TAFA5: variants seen among roughly 807,000 people sequenced by gnomAD.
The protein encoded by TAFA5 is TAFA chemokine like family member 5.
TAFA5 carries 6 observed loss-of-function variants against 15.3 expected under a neutral mutation model. That is an observed-to-expected ratio of 0.39 (90% CI 0.21 to 0.77). The LOEUF is 0.77. Among genes scored for constraint, TAFA5 ranks in the 30% least tolerant of loss-of-function variants. The pLI is 0.41. For synonymous variants in TAFA5, 103 were observed against 80.7 expected (o/e 1.28, Z -1.48); for missense variants, 161 against 193.1 (o/e 0.83, Z 0.98).
chr22:48,743,303 C>G (rs1007809020), intron 3 of TAFA5, among the ~76,000 whole-genome samples: 1 of 152,222 alleles, frequency 6.6e-6, no homozygotes, highest in Non-Finnish European at 1.5e-5. Flanking sequence ...TCCTCCCTGC[C>G]TCTTGCAGCC....
At chr22:48,513,736 G>A (rs1921307376) in intron 1 of TAFA5, among the ~76,000 whole-genome samples, 1 of 152,208 alleles carries the variant, frequency 6.6e-6, no homozygotes, top group Non-Finnish European at 1.5e-5. Context: ...TCTGCTCCAT[G>A]GGGGCAGTCC....
intron 1 of TAFA5, among the ~76,000 whole-genome samples, chr22:48,633,532 G>GTCTGTCTCTC (rs1555894461): frequency 7.2e-6 from 1 of 138,768 alleles, no homozygotes; most frequent in Non-Finnish European, 1.6e-5. Context: ...CTGTCTGTCT[G>GTCTGTCTCTC]TCTCTCCCTC....
In TAFA5 at chr22:48,750,847, A is replaced by G. The variant is rs1053865764; in HGVS notation, c.*1000A>G. ...AAGTTATATATTTAACAGTTTTTAT[A>G]TGTTGTATATTTGTAGAAAATCCTA... is the stretch of plus-strand genomic sequence containing the variant. On this transcript the variant is annotated 3_prime_UTR_variant, in exon 4 of 4. Transcript: ENST00000402357. The G allele has an allele frequency of 4.6e-5, 7 of 152,564 alleles. No homozygotes were observed. The highest frequency in any genetic ancestry group is 1.7e-4 in the African/African-American group (7 of 41,450). 9.5% of individuals were successfully genotyped at this position (152,564 alleles called of 1,614,324 possible). A position where few individuals can be genotyped will look rare whatever the true frequency, so the allele number is the denominator to read the frequency against.
At chr22:48,639,697 A>G (rs1164621099) in intron 1 of TAFA5, among the ~76,000 whole-genome samples, 1 of 152,142 alleles carries the variant, frequency 6.6e-6, no homozygotes, top group Admixed American at 6.5e-5. Context: ...AGAAGGGGGT[A>G]CCGCTTGTCT....
At chr22:48,633,539 C>CTCTCTCT (rs1569056626) in intron 1 of TAFA5, among the ~76,000 whole-genome samples, 4,940 of 128,514 alleles carry the variant, frequency 0.038, 209 homozygotes, top group Admixed American at 0.11. Context: ...TCTGTCTCTC[C>CTCTCTCT]CTCTCTCTCT....
At chr22:48,555,806 G>A (rs1398855754) in intron 1 of TAFA5, among the ~76,000 whole-genome samples, 1 of 152,202 alleles carries the variant, frequency 6.6e-6, no homozygotes, top group Non-Finnish European at 1.5e-5. Flanking sequence ...TGGGGATGGG[G>A]GCGCTGTGGC....
intron 2 of TAFA5, among the ~76,000 whole-genome samples, chr22:48,676,915 T>G (rs58577646): frequency 0.014 from 2,166 of 152,280 alleles, 52 homozygotes; most frequent in South Asian, 0.11. Context: ...CAGGATGGTC[T>G]GGTTAGGGTG....
At chr22:48,532,421 G>T (rs1158133496) in intron 1 of TAFA5, among the ~76,000 whole-genome samples, 1 of 152,224 alleles carries the variant, frequency 6.6e-6, no homozygotes, top group Non-Finnish European at 1.5e-5. Flanking sequence ...TTTCCCTCCT[G>T]CTCAATCCCA....
intron 1 of TAFA5, among the ~76,000 whole-genome samples, chr22:48,614,752 T>G (rs964784449): frequency 4.6e-5 from 7 of 152,226 alleles, no homozygotes; most frequent in African/African-American, 1.7e-4. Context: ...CTGCGCGTCC[T>G]GTTGACCGAG....
At chr22:48,541,883 C>T (rs1922386434) in intron 1 of TAFA5, among the ~76,000 whole-genome samples, 1 of 152,196 alleles carries the variant, frequency 6.6e-6, no homozygotes, top group African/African-American at 2.4e-5. Flanking sequence ...TCTGGGCTCC[C>T]CCGGGGCATG....
chr22:48,516,634 C>G (rs144635234), intron 1 of TAFA5, among the ~76,000 whole-genome samples: 8 of 152,376 alleles, frequency 5.3e-5, no homozygotes, highest in African/African-American at 1.9e-4. Flanking sequence ...CTCTACTGGC[C>G]TCTGCTTCAT....
chr22:48,742,635 G>A lies in TAFA5; in HGVS notation c.391-7204G>A, dbSNP rs982468314. ...GCCGCATGGTGGACCAGGCAACGTG[G>A]TAGACCGGGCCGCATGGTGGACCAG... On this transcript the variant is annotated intron_variant, in intron 3 of 3. Coordinates refer to ENST00000402357, the MANE Select transcript of TAFA5 (RefSeq NM_001082967.3). The surrounding 1 kb of genome is among the most constrained non-coding windows in gnomAD (Gnocchi z 6.2). 6.6e-6 allele frequency among the ~76,000 whole-genome samples: 1 copy of A among 152,012 alleles called. No homozygotes were observed. The highest frequency in any genetic ancestry group is 2.4e-5 in the African/African-American group (1 of 41,402).
intron 2 of TAFA5, among the ~76,000 whole-genome samples, chr22:48,662,696 C>T (rs1927486206): frequency 6.6e-6 from 1 of 152,192 alleles, no homozygotes; most frequent in African/African-American, 2.4e-5. Context: ...GAGACACAGG[C>T]TGGGAGCAGG....
chr22:48,541,952 A>G (rs1922389568), intron 1 of TAFA5, among the ~76,000 whole-genome samples: 2 of 152,024 alleles, frequency 1.3e-5, no homozygotes, highest in Non-Finnish European at 2.9e-5. Context: ...GAGCTCCAGG[A>G]CGCCGAGTGC....
intron 1 of TAFA5, among the ~76,000 whole-genome samples, chr22:48,575,354 T>C (rs1434333984): frequency 6.7e-6 from 1 of 150,206 alleles, no homozygotes; most frequent in Non-Finnish European, 1.5e-5. Context: ...CGCGGCCCAG[T>C]GCGCATCCGC....
At chr22:48,548,422 A>T (rs1239859260) in intron 1 of TAFA5, among the ~76,000 whole-genome samples, 2 of 151,896 alleles carry the variant, frequency 1.3e-5, no homozygotes, top group African/African-American at 4.8e-5. Flanking sequence ...ATTTTTTGAG[A>T]TTGGGTGCCT....
At chr22:48,506,952 C>T (rs564418012) in intron 1 of TAFA5, among the ~76,000 whole-genome samples, 1 of 152,330 alleles carries the variant, frequency 6.6e-6, no homozygotes, top group South Asian at 2.1e-4. Flanking sequence ...GAAGGCATCC[C>T]CTCCAGCCCA....
At chr22:48,493,034 A>G (rs1928209719) in intron 1 of TAFA5, among the ~76,000 whole-genome samples, 1 of 152,164 alleles carries the variant, frequency 6.6e-6, no homozygotes, top group Non-Finnish European at 1.5e-5. Context: ...TGAAGATGTG[A>G]TCTTTCCACC....
intron 2 of TAFA5, among the ~76,000 whole-genome samples, chr22:48,671,236 G>A (rs1208646810): frequency 2.6e-5 from 4 of 152,314 alleles, no homozygotes; most frequent in East Asian, 3.9e-4. Flanking sequence ...ACAGCCAGGA[G>A]GACCAGAATG....
Sources: gnomAD v4.1 joint callset for allele counts (sites outside exome capture counted in the v4.1 genomes callset) on GRCh38, gnomAD v4.1.1 for gene constraint, Gnocchi (gnomAD v3.1) non-coding constraint, MANE v1.5 for transcripts, NCBI Gene and HGNC (gene_info 2026-07-23, HGNC 2026-07-21) for gene names.